The following CAMK1D variants were observed in gnomAD, a reference collection of about 807,000 sequenced individuals.
CAMK1D encodes the protein calcium/calmodulin dependent protein kinase ID.
A neutral mutation model predicts 47.7 loss-of-function variants in CAMK1D; 9 were observed. The observed-to-expected ratio is 0.19, with a 90% confidence interval of 0.11 to 0.33. The LOEUF (loss-of-function observed/expected upper bound fraction) is 0.33. CAMK1D is among the 10% of genes least tolerant of loss of function. The probability of loss-of-function intolerance (pLI) is 1.00; values close to 1 mark genes in which losing one functional copy is unlikely to be tolerated. For missense variants in CAMK1D, 291 were observed against 488.7 expected (o/e 0.60, Z 3.81); for synonymous variants, 184 against 184.9 (o/e 0.99, Z 0.04).
At chr10:12,639,673 A>G (rs1269556099) in intron 2 of CAMK1D, among the ~76,000 whole-genome samples, 3 of 151,966 alleles carry the variant, frequency 2.0e-5, no homozygotes, top group Non-Finnish European at 4.4e-5. Context: ...ATGTTTATCT[A>G]CTTTATAATT....
chr10:12,440,386 G>A (rs1344902025), intron 1 of CAMK1D, among the ~76,000 whole-genome samples: 1 of 151,896 alleles, frequency 6.6e-6, no homozygotes, highest in African/African-American at 2.4e-5. Context: ...CCGGAGGCAG[G>A]AGGCAATTCT....
intron 3 of CAMK1D, among the ~76,000 whole-genome samples, chr10:12,674,598 G>GTTTTT (rs1491441824): frequency 3.6e-4 from 6 of 16,738 alleles, no homozygotes; most frequent in South Asian, 2.8e-3. Flanking sequence ...TTGGAAAAAT[G>GTTTTT]CTTTTTTTTT....
intron 3 of CAMK1D, among the ~76,000 whole-genome samples, chr10:12,756,654 C>T (rs968680149): frequency 2.6e-5 from 4 of 152,160 alleles, no homozygotes; most frequent in South Asian, 4.1e-4. Context: ...CAGCTGGGCA[C>T]GGTGGCTCAC....
chr10:12,370,796 C>G (rs777073511), intron 1 of CAMK1D, among the ~76,000 whole-genome samples: 1 of 152,044 alleles, frequency 6.6e-6, no homozygotes, highest in African/African-American at 2.4e-5. Context: ...TTAGTAGAGA[C>G]GGGGTTTCAC....
chr10:12,706,953 C>G (rs1188970668), intron 3 of CAMK1D, among the ~76,000 whole-genome samples: 1 of 152,132 alleles, frequency 6.6e-6, no homozygotes, highest in African/African-American at 2.4e-5. Context: ...GAGGGAGATA[C>G]ATATGAAGGT....
intron 2 of CAMK1D, among the ~76,000 whole-genome samples, chr10:12,639,045 A>C (rs538555034): frequency 1.1e-4 from 17 of 152,312 alleles, no homozygotes; most frequent in African/African-American, 4.1e-4. Context: ...TACATAGCTC[A>C]TTCCTGGGCC....
intron 3 of CAMK1D, among the ~76,000 whole-genome samples, chr10:12,673,489 C>G (rs922990103): frequency 8.5e-5 from 13 of 152,158 alleles, no homozygotes; most frequent in African/African-American, 3.1e-4. Flanking sequence ...GCATTAGCCT[C>G]TGATCTTGCT....
At chr10:12,484,403 T>C (rs933062978) in intron 1 of CAMK1D, among the ~76,000 whole-genome samples, 2 of 152,204 alleles carry the variant, frequency 1.3e-5, no homozygotes, top group Non-Finnish European at 2.9e-5. Context: ...AGAAGAAACA[T>C]GATTAAGGAC....
intron 2 of CAMK1D, among the ~76,000 whole-genome samples, chr10:12,616,323 C>T (rs546949202): frequency 6.6e-6 from 1 of 152,152 alleles, no homozygotes; most frequent in African/African-American, 2.4e-5. Context: ...AGCGGGTTAT[C>T]TTGGACAGTA....
chr10:12,481,927 C>G (rs988449876), intron 1 of CAMK1D, among the ~76,000 whole-genome samples: 1 of 152,238 alleles, frequency 6.6e-6, no homozygotes, highest in Non-Finnish European at 1.5e-5. Flanking sequence ...GCAGTCAGAG[C>G]TGGACACTGT....
At chr10:12,618,075 C>CT (rs1838878082) in intron 2 of CAMK1D, among the ~76,000 whole-genome samples, 1 of 180 alleles carries the variant, frequency 5.6e-3, no homozygotes. Flanking sequence ...TGTTTTGGAT[C>CT]TAGTATTGAG....
At chr10:12,644,164 A>G (rs1003013049) in intron 2 of CAMK1D, among the ~76,000 whole-genome samples, 3 of 152,224 alleles carry the variant, frequency 2.0e-5, no homozygotes, top group African/African-American at 7.2e-5. Context: ...CTGATCCCAG[A>G]AAAGGTTGAG....
chr10:12,627,375 G>A (rs538110099), intron 2 of CAMK1D, among the ~76,000 whole-genome samples: 1 of 152,244 alleles, frequency 6.6e-6, no homozygotes, highest in Admixed American at 6.5e-5. Context: ...GTGAGCCACT[G>A]CGCCTGGCAT....
chr10:12,527,129 G>T (rs1214306638), intron 1 of CAMK1D, among the ~76,000 whole-genome samples: 1 of 151,980 alleles, frequency 6.6e-6, no homozygotes, highest in Non-Finnish European at 1.5e-5. Flanking sequence ...GGATTTTAGG[G>T]GCTTATATTG....
intron 1 of CAMK1D, among the ~76,000 whole-genome samples, chr10:12,465,711 G>C (rs193227297): frequency 6.6e-6 from 1 of 152,128 alleles, no homozygotes; most frequent in Non-Finnish European, 1.5e-5. Flanking sequence ...CAACCACCTC[G>C]TATTTTATCC....
chr10:12,353,156 G>A (rs1185336389), intron 1 of CAMK1D, among the ~76,000 whole-genome samples: 1 of 152,192 alleles, frequency 6.6e-6, no homozygotes, highest in Admixed American at 6.5e-5. Context: ...CTTCAGTGGG[G>A]ATTTTGAGTC....
chr10:12,486,699 T>C (rs1267754259), intron 1 of CAMK1D, among the ~76,000 whole-genome samples: 1 of 152,180 alleles, frequency 6.6e-6, no homozygotes, highest in Non-Finnish European at 1.5e-5. Flanking sequence ...GCCGTGGAAT[T>C]TGGGGTCTCT....
intron 8 of CAMK1D, 76 bp from the exon 9 acceptor site, chr10:12,824,389 A>G: frequency 1.5e-6 from 2 of 1,297,020 alleles, no homozygotes; most frequent in South Asian, 1.2e-5. Context: ...GAGGCTAGGT[A>G]AGACTCCCCT....
intron 3 of CAMK1D, among the ~76,000 whole-genome samples, chr10:12,694,032 TAA>T (rs1156429827): frequency 2.8e-5 from 2 of 70,812 alleles, no homozygotes; most frequent in Non-Finnish European, 4.9e-5. Context: ...ATAATATATA[TAA>T]AATATACATA....
Sources: allele counts gnomAD v4.1 joint callset (sites outside exome capture counted in the v4.1 genomes callset), GRCh38; gene constraint gnomAD v4.1.1; transcripts MANE v1.5; gene names NCBI Gene and HGNC (gene_info 2026-07-23, HGNC 2026-07-21).